The following ADRA1B variants were observed in gnomAD, a reference collection of about 807,000 sequenced individuals.
The protein encoded by ADRA1B is alpha-1B adrenergic receptor.
A neutral mutation model predicts 17.9 loss-of-function variants in ADRA1B; 17 were observed. The ratio of observed to expected loss-of-function variants is 0.95; its 90% CI spans 0.65 to 1.42. ADRA1B has a LOEUF of 1.42. Among genes scored for constraint, ADRA1B ranks in the 40% most tolerant of loss-of-function variants. ADRA1B has a pLI of 0.00. For missense variants in ADRA1B, 681 were observed against 722.1 expected, an observed-to-expected ratio of 0.94 and a Z score of 0.65; for synonymous variants, 366 against 327.6, an observed-to-expected ratio of 1.12 and a Z score of -1.27.
At chr5:159,896,875 G>T (rs1230323934) in intron 1 of ADRA1B, among the ~76,000 whole-genome samples, 1 of 152,210 alleles carries the variant, frequency 6.6e-6, no homozygotes, top group Non-Finnish European at 1.5e-5. Context: ...CCATGGAAAA[G>T]CACCTAACTC....
At chr5:159,954,739 T>G (rs1174581954) in intron 1 of ADRA1B, among the ~76,000 whole-genome samples, 1 of 152,038 alleles carries the variant, frequency 6.6e-6, no homozygotes, top group Admixed American at 6.6e-5. Context: ...TCACCTAACT[T>G]TCAAGGAGTA....
chr5:159,985,451 G>C, the ADRA1B span, among the ~76,000 whole-genome samples: 1 of 152,208 alleles, frequency 6.6e-6, no homozygotes, highest in Admixed American at 6.5e-5. Context: ...CTTATTGAAT[G>C]AATGAATGAT....
chr5:159,875,687 A>G (rs1437542293), intron 1 of ADRA1B, among the ~76,000 whole-genome samples: 1 of 152,096 alleles, frequency 6.6e-6, no homozygotes. Context: ...CAAGGGGCAC[A>G]CCCTCTCTAA....
Position 159,917,065 on chromosome 5 carries a change from G to A in ADRA1B, c.160G>A (p.Ala54Thr), listed in dbSNP as rs1330843392. ...CATCTCTGTGGGCCTGGTGCTGGGCGCCTTCATCCTCTTTGCCATCGTGGG... is the reference window on the plus strand; with the variant it reads ...CATCTCTGTGGGCCTGGTGCTGGGCACCTTCATCCTCTTTGCCATCGTGGG... ...RAISVGLVLG[A>T]FILFAIVGNI... The change falls in exon 1 of 2, where the codon GCC (alanine) becomes ACC (threonine). Residue 54 changes from alanine to threonine, a missense_variant. By Grantham distance (58) the Ala-to-Thr change is moderately conservative. Transcript: ENST00000306675. 3 of 1,614,134 alleles carry A rather than the reference G, an allele frequency of 1.9e-6. No individual in the cohort carries two copies. The highest frequency in any genetic ancestry group is 2.2e-5 in the East Asian group (1 of 44,872).
chr5:159,871,770 AAG>A (rs1753744498), intron 1 of ADRA1B, among the ~76,000 whole-genome samples: 2 of 152,220 alleles, frequency 1.3e-5, no homozygotes, highest in Non-Finnish European at 2.9e-5. Flanking sequence ...AAGTCTAAGA[AAG>A]AGAATTTTAA....
the ADRA1B span, among the ~76,000 whole-genome samples, chr5:159,984,082 G>T: frequency 1.1e-4 from 16 of 151,864 alleles, no homozygotes; most frequent in Non-Finnish European, 5.9e-5. Flanking sequence ...CTTTCATACT[G>T]CTTCCAACCT....
intron 1 of ADRA1B, among the ~76,000 whole-genome samples, chr5:159,958,631 CACAACAAAAACAACA>C (rs1247327421): frequency 6.6e-6 from 1 of 152,150 alleles, no homozygotes; most frequent in Non-Finnish European, 1.5e-5. Context: ...TAGCTCTCCA[CACAACAAAAACAACA>C]ACAACAAAAA....
downstream of ADRA1B, among the ~76,000 whole-genome samples, chr5:159,973,018 T>C (rs1158392299): frequency 6.6e-6 from 1 of 152,234 alleles, no homozygotes; most frequent in Non-Finnish European, 1.5e-5. Context: ...CTGTTCGGCT[T>C]TGAGTGGTTT....
chr5:159,972,046 C>T lies in ADRA1B; in HGVS notation c.1117C>T (p.Arg373Cys), dbSNP rs760441080. 7.4e-7 allele frequency: 1 copy of T among 1,356,234 alleles called. No homozygotes were observed. The highest frequency in any genetic ancestry group is 9.5e-7 in the Non-Finnish European group (1 of 1,053,588). The allele number at this position is 1,356,234 out of a possible 1,614,324, so 84.0% of individuals were successfully genotyped here. Reference protein sequence around the residue: ...LGCQCRGRGRRRRRRRRRLGG... With the variant: ...LGCQCRGRGRCRRRRRRRLGG... ...GTGCCAGTGCCGCGGCCGCGGCCGC[C>T]GCCGACGCCGCCGCCGCCGTCGCCT... Residue 373 changes from arginine to cysteine, a missense_variant, in exon 2 of 2, where the codon CGC becomes TGC. By Grantham distance (180) the Arg-to-Cys change is radical. Transcript: ENST00000306675.
upstream of ADRA1B, among the ~76,000 whole-genome samples, chr5:159,915,037 T>G (rs1754267490): frequency 6.6e-6 from 1 of 152,220 alleles, no homozygotes; most frequent in Non-Finnish European, 1.5e-5. Flanking sequence ...TCAAAGAAAC[T>G]GAGTAAATGC....
At chr5:159,929,265 T>C (rs1006037969) in intron 1 of ADRA1B, among the ~76,000 whole-genome samples, 15 of 152,184 alleles carry the variant, frequency 9.9e-5, no homozygotes, top group Non-Finnish European at 1.8e-4. Flanking sequence ...ATAACTACTA[T>C]AATTTTGAAG....
At chr5:159,935,387 T>C (rs1300926021) in intron 1 of ADRA1B, among the ~76,000 whole-genome samples, 3 of 152,190 alleles carry the variant, frequency 2.0e-5, no homozygotes, top group Non-Finnish European at 2.9e-5. Flanking sequence ...GAGTCTTCCA[T>C]CCAAATTTAA....
intron 1 of ADRA1B, among the ~76,000 whole-genome samples, chr5:159,876,372 A>G (rs1753802574): frequency 6.6e-6 from 1 of 152,222 alleles, no homozygotes; most frequent in South Asian, 2.1e-4. Context: ...ATGACATGCA[A>G]AAGAAGAAAG....
chr5:159,932,568 C>T (rs1754840975), intron 1 of ADRA1B, among the ~76,000 whole-genome samples: 1 of 152,186 alleles, frequency 6.6e-6, no homozygotes, highest in Non-Finnish European at 1.5e-5. Flanking sequence ...AAGACACACA[C>T]AAGGTATCAC....
At chr5:159,987,339 C>A in the ADRA1B span, among the ~76,000 whole-genome samples, 1 of 152,244 alleles carries the variant, frequency 6.6e-6, no homozygotes, top group East Asian at 1.9e-4. Flanking sequence ...CGGGCCGGCG[C>A]CGCGGCGTCT....
chr5:159,923,187 C>T (rs572164879), intron 1 of ADRA1B, among the ~76,000 whole-genome samples: 4 of 152,268 alleles, frequency 2.6e-5, no homozygotes, highest in African/African-American at 4.8e-5. Context: ...GGGCAGAGGC[C>T]GGGCCATGCA....
chr5:159,916,381 G>A (rs1343748267), upstream of ADRA1B: 1 of 151,654 alleles, frequency 6.6e-6, no homozygotes, highest in Non-Finnish European at 1.5e-5. Context: ...TTGCGGGGTG[G>A]CGGCGTCGGG....
chr5:159,955,281 C>T (rs1248393130), intron 1 of ADRA1B: 1 of 798,522 alleles, frequency 1.3e-6, no homozygotes, highest in African/African-American at 1.9e-5. Context: ...GTGTGCCAGA[C>T]TGAGCCAAAC....
intron 1 of ADRA1B, among the ~76,000 whole-genome samples, chr5:159,924,669 A>C (rs1251574698): frequency 6.6e-6 from 1 of 152,170 alleles, no homozygotes; most frequent in Non-Finnish European, 1.5e-5. Context: ...GCTCACAGAA[A>C]TGCCAGCAGG....
Sources: allele counts gnomAD v4.1 joint callset (sites outside exome capture counted in the v4.1 genomes callset), GRCh38; gene constraint gnomAD v4.1.1; transcripts MANE v1.5; gene names NCBI Gene and HGNC (gene_info 2026-07-23, HGNC 2026-07-21).